PVT1: variants seen among roughly 807,000 people sequenced by gnomAD.
The protein encoded by PVT1 is Pvt1 oncogene, also known as CXCR4/PVT1 fusion.
chr8:128,035,590 CA>C (rs551467094), intron 4 of PVT1, among the ~76,000 whole-genome samples: 94 of 152,258 alleles, frequency 6.2e-4, no homozygotes, highest in African/African-American at 2.2e-3. Flanking sequence ...AGCAGCCCCC[CA>C]AGATGACCAT....
Position 127,898,563 on chromosome 8 carries a change from A to G in PVT1, n.782+7565A>G, listed in dbSNP as rs1337127459. On this transcript the variant is annotated intron_variant and non_coding_transcript_variant, in intron 3 of 10. Transcript: ENST00000651587. This position sits in a 1 kb window ranked among gnomAD's most constrained non-coding sequence, Gnocchi z 4.4. Reference sequence around the variant, plus strand: ...ACCAGACTGAGGCAGTGAAGTCACCATAATTGATGGGCCACACTAGACTGG... The same window carrying G: ...ACCAGACTGAGGCAGTGAAGTCACCGTAATTGATGGGCCACACTAGACTGG... 1.3e-5 allele frequency among the ~76,000 whole-genome samples: 2 copies of G among 152,208 alleles called. No individual in the cohort carries two copies. The highest frequency in any genetic ancestry group is 6.5e-5 in the Admixed American group (1 of 15,286).
At chr8:128,008,654 C>T (rs1169450469) in intron 4 of PVT1, among the ~76,000 whole-genome samples, 1 of 152,160 alleles carries the variant, frequency 6.6e-6, no homozygotes, top group African/African-American at 2.4e-5. Flanking sequence ...GATGTCTCTA[C>T]GGATGCATCT....
chr8:127,910,133 T>A (rs1432869968), intron 3 of PVT1, among the ~76,000 whole-genome samples: 1 of 152,118 alleles, frequency 6.6e-6, no homozygotes, highest in Non-Finnish European at 1.5e-5. Context: ...TCTGTACATG[T>A]GCTGGAAGAG....
intron 3 of PVT1, among the ~76,000 whole-genome samples, chr8:127,944,946 G>A (rs1341883205): frequency 1.3e-5 from 2 of 152,144 alleles, no homozygotes; most frequent in Non-Finnish European, 2.9e-5. Context: ...CCTCTCCTGG[G>A]CAAAGGACAT....
intron 5 of PVT1, among the ~76,000 whole-genome samples, chr8:128,076,168 G>T (rs768114228): frequency 6.6e-6 from 1 of 152,086 alleles, no homozygotes; most frequent in African/African-American, 2.4e-5. Flanking sequence ...CAGCCAGCTG[G>T]GTTTCCTTGA....
chr8:128,087,656 T>A (rs972046963), intron 5 of PVT1, among the ~76,000 whole-genome samples: 1 of 152,138 alleles, frequency 6.6e-6, no homozygotes. Context: ...CTATTTACTT[T>A]GAATGATTGG....
intron 4 of PVT1, among the ~76,000 whole-genome samples, chr8:128,017,516 C>T (rs964088516): frequency 1.4e-4 from 21 of 152,036 alleles, no homozygotes; most frequent in Non-Finnish European, 2.9e-4. Flanking sequence ...ACTGCAGCCT[C>T]AACCTCCTAG....
chr8:128,067,888 C>T (rs1813929133), intron 4 of PVT1, among the ~76,000 whole-genome samples: 1 of 151,524 alleles, frequency 6.6e-6, no homozygotes, highest in Non-Finnish European at 1.5e-5. Flanking sequence ...GTCCTTATTT[C>T]ATTTTCTGCC....
At chr8:127,801,084 G>A (rs1005884580) in intron 2 of PVT1, among the ~76,000 whole-genome samples, 4 of 152,172 alleles carry the variant, frequency 2.6e-5, no homozygotes, top group African/African-American at 7.2e-5. Context: ...GGGGTGAGGA[G>A]CAGCCAGGAG....
intron 5 of PVT1, among the ~76,000 whole-genome samples, chr8:128,071,213 G>A (rs2720666): frequency 0.68 from 103,050 of 152,032 alleles, 35,239 homozygotes; most frequent in East Asian, 0.83. Context: ...AGAAAGATTC[G>A]AAGGGCAGAG....
At chr8:127,919,320 G>A (rs139132184) in intron 3 of PVT1, among the ~76,000 whole-genome samples, 231 of 152,302 alleles carry the variant, frequency 1.5e-3, no homozygotes, top group African/African-American at 5.3e-3. Flanking sequence ...ATTACTTCAA[G>A]GAGCAGGAAG....
intron 2 of PVT1, among the ~76,000 whole-genome samples, chr8:127,828,086 G>A (rs1232448145): frequency 1.3e-5 from 2 of 152,176 alleles, no homozygotes; most frequent in African/African-American, 4.8e-5. Context: ...GGGGTGGGCA[G>A]GGTGTGTATC....
chr8:127,883,062 T>TCACACACA (rs10637867), intron 2 of PVT1, among the ~76,000 whole-genome samples: 2,699 of 147,942 alleles, frequency 0.018, 52 homozygotes, highest in African/African-American at 0.046. Flanking sequence ...TGCACACACA[T>TCACACACA]CACACACACA....
intron 4 of PVT1, among the ~76,000 whole-genome samples, chr8:128,006,341 G>A (rs1251840663): frequency 1.3e-5 from 2 of 152,076 alleles, no homozygotes; most frequent in African/African-American, 4.8e-5. Flanking sequence ...ACAATGCTCA[G>A]TTGCCACTAT....
chr8:127,896,780 C>CG (rs58358914), intron 3 of PVT1, among the ~76,000 whole-genome samples: 1 of 141,102 alleles, frequency 7.1e-6, no homozygotes, highest in Non-Finnish European at 1.5e-5. Flanking sequence ...TTCCTCCCCC[C>CG]CCCCGCCCCC....
intron 2 of PVT1, among the ~76,000 whole-genome samples, chr8:127,843,232 T>C (rs1174310151): frequency 2.0e-5 from 3 of 151,996 alleles, no homozygotes; most frequent in African/African-American, 7.3e-5. Flanking sequence ...GGTGCATGCC[T>C]GTAATCCCAG....
intron 4 of PVT1, among the ~76,000 whole-genome samples, chr8:128,055,356 A>C (rs975293039): frequency 1.3e-5 from 2 of 152,246 alleles, no homozygotes; most frequent in African/African-American, 4.8e-5. Flanking sequence ...TGCTGAGGGT[A>C]AGTTACTTAA....
At chr8:127,877,604 TGA>T (rs1815420049) in intron 2 of PVT1, among the ~76,000 whole-genome samples, 1 of 152,196 alleles carries the variant, frequency 6.6e-6, no homozygotes, top group South Asian at 2.1e-4. Flanking sequence ...GATAACATTT[TGA>T]CTTAGTCCTT....
At chr8:127,913,016 G>GT (rs1042989958) in intron 3 of PVT1, among the ~76,000 whole-genome samples, 1 of 145,836 alleles carries the variant, frequency 6.9e-6, no homozygotes, top group Admixed American at 6.8e-5. Flanking sequence ...ACCCCACCTT[G>GT]TTTTTTTCTT....
Sources: gnomAD v4.1 joint callset for allele counts (sites outside exome capture counted in the v4.1 genomes callset) on GRCh38, gnomAD v4.1.1 for gene constraint, Gnocchi (gnomAD v3.1) non-coding constraint, MANE v1.5 for transcripts, NCBI Gene and HGNC (gene_info 2026-07-23, HGNC 2026-07-21) for gene names.